CARMIL1: variants seen among roughly 807,000 people sequenced by gnomAD.
CARMIL1 encodes the protein capping protein regulator and myosin 1 linker 1, also known as F-actin-uncapping protein LRRC16A.
In CARMIL1, 90 loss-of-function variants were observed where a neutral mutation model predicts 177.1. The ratio of observed to expected loss-of-function variants is 0.51; its 90% CI spans 0.43 to 0.61. The LOEUF is 0.61. CARMIL1 is among the 20% of genes least tolerant of loss of function. The pLI, the probability that CARMIL1 is intolerant of heterozygous loss-of-function variation, is 0.00. For missense variants in CARMIL1, 1,380 were observed against 1,667.0 expected (o/e 0.83, Z 3.00); for synonymous variants, 577 against 606.2 (o/e 0.95, Z 0.71).
intron 23 of CARMIL1, among the ~76,000 whole-genome samples, chr6:25,528,224 A>G (rs72839066): frequency 0.028 from 4,233 of 152,306 alleles, 66 homozygotes; most frequent in Non-Finnish European, 0.042. Context: ...TTGAGAAAAT[A>G]TGAACATTTG....
chr6:25,362,966 C>T (rs1221088942), intron 2 of CARMIL1, among the ~76,000 whole-genome samples: 5 of 152,046 alleles, frequency 3.3e-5, no homozygotes, highest in Admixed American at 2.0e-4. Context: ...ACCTGGGAGG[C>T]GGAGGTTGCA....
chr6:25,418,168 T>TTCTGATTCCAAAATTCAAGCTAGTAGG (rs1795525022), intron 2 of CARMIL1, among the ~76,000 whole-genome samples: 1 of 152,178 alleles, frequency 6.6e-6, no homozygotes, highest in East Asian at 1.9e-4. Context: ...GCTAGTAGGT[T>TTCTGATTCCAAAATTCAAGCTAGTAGG]GACCAACAGT....
intron 3 of CARMIL1, 66 bp from the exon 4 acceptor site, chr6:25,426,435 A>C: frequency 8.7e-7 from 1 of 1,153,834 alleles, no homozygotes; most frequent in South Asian, 1.5e-5. Flanking sequence ...TTTTTACCTT[A>C]AGTTATATGT....
intron 2 of CARMIL1, among the ~76,000 whole-genome samples, chr6:25,352,958 C>T (rs1788253531): frequency 6.6e-6 from 1 of 152,144 alleles, no homozygotes; most frequent in Admixed American, 6.5e-5. Flanking sequence ...CCAGTCAACC[C>T]CTCCTGCCAC....
chr6:25,608,202 A>G (rs1195083142), intron 35 of CARMIL1, among the ~76,000 whole-genome samples: 2 of 152,132 alleles, frequency 1.3e-5, no homozygotes, highest in Admixed American at 6.5e-5. Flanking sequence ...CTCTTATCCA[A>G]GGTTTTGCTT....
At position 25,533,946 on chromosome 6, in the gene CARMIL1, G is replaced by A. The variant is rs190500028; in HGVS notation, c.2068-3909G>A. ...TCTTGATTTTGCCATTTCACTCAGG[G>A]ACATCATCATTCACTGAGGGTTGAA... is the stretch of plus-strand genomic sequence containing the variant. On this transcript the variant is annotated intron_variant, in intron 24 of 36. Coordinates refer to ENST00000329474, the MANE Select transcript of CARMIL1 (RefSeq NM_017640.6). Among the ~76,000 whole-genome samples, 156 of 152,114 alleles carry A rather than the reference G, an allele frequency of 1.0e-3. 2 individuals carry two copies. The highest frequency in any genetic ancestry group is 3.1e-3 in the African/African-American group (129 of 41,506).
At chr6:25,355,136 C>CAA (rs370595089) in intron 2 of CARMIL1, among the ~76,000 whole-genome samples, 1 of 152,318 alleles carries the variant, frequency 6.6e-6, no homozygotes, top group Non-Finnish European at 1.5e-5. Flanking sequence ...CTGGGACCCC[C>CAA]AAGCCCTTTG....
At chr6:25,563,478 T>C (rs1308906992) in intron 29 of CARMIL1, 1 of 985,280 alleles carries the variant, frequency 1.0e-6, no homozygotes, top group Non-Finnish European at 1.2e-6. Flanking sequence ...AGAGGACTTG[T>C]TTACCCAGGT....
At chr6:25,510,413 C>A in intron 18 of CARMIL1, 94 bp from the exon 19 acceptor site, 1 of 700,990 alleles carries the variant, frequency 1.4e-6, no homozygotes, top group Non-Finnish European at 2.4e-6. Context: ...AGGAAGTCAT[C>A]CAACTATATG....
intron 2 of CARMIL1, among the ~76,000 whole-genome samples, chr6:25,298,404 G>A (rs930358323): frequency 1.3e-5 from 2 of 152,170 alleles, no homozygotes; most frequent in South Asian, 2.1e-4. Context: ...ACAGAAATGG[G>A]TTTAGAATGT....
chr6:25,480,844 C>T (rs571802369), intron 11 of CARMIL1, among the ~76,000 whole-genome samples: 33 of 150,206 alleles, frequency 2.2e-4, no homozygotes, highest in East Asian at 7.8e-4. Flanking sequence ...CCTCAGCCTC[C>T]GGAGTAGTTG....
At chr6:25,389,281 A>C (rs1792499293) in intron 2 of CARMIL1, 1 of 148,650 alleles carries the variant, frequency 6.7e-6, no homozygotes, top group Non-Finnish European at 1.5e-5. Context: ...TCATTGGTTT[A>C]AAAATTATGA....
chr6:25,411,364 C>A (rs1332223213), intron 2 of CARMIL1, among the ~76,000 whole-genome samples: 1 of 152,204 alleles, frequency 6.6e-6, no homozygotes, highest in Admixed American at 6.5e-5. Context: ...CATCCTGCCA[C>A]CACTTAAAGA....
chr6:25,423,148 A>T lies in CARMIL1; in HGVS notation c.189+2984A>T, dbSNP rs571572256. Among the ~76,000 whole-genome samples, 124 of 152,374 alleles carry T rather than the reference A, an allele frequency of 8.1e-4. 1 individual carries two copies. The highest frequency in any genetic ancestry group is 3.4e-3 in the Middle Eastern group (1 of 294). The stretch of plus-strand genomic sequence containing the variant: ...CTGGAGAAATAAGTATATTTATAAC[A>T]TTAGTGTAAAGCACTGACTATGACA... On this transcript the variant is annotated intron_variant, in intron 3 of 36. Coordinates refer to ENST00000329474, the MANE Select transcript of CARMIL1 (RefSeq NM_017640.6).
Position 25,284,889 on chromosome 6 carries a change from A to AAGTTAAGGGAGTTGG in CARMIL1, c.119_120insGTTAAGGGAGTTGGA (p.Lys40_Val41insLeuArgGluLeuGlu). 1 of 1,565,174 alleles carries AAGTTAAGGGAGTTGG rather than the reference A, an allele frequency of 6.4e-7. No individual in the cohort carries two copies. Among genetic ancestry groups the AAGTTAAGGGAGTTGG allele is most frequent in the Non-Finnish European group, 8.7e-7 (1 of 1,152,006 alleles). Reference sequence around the variant, plus strand: ...AGTAAAGTTGGAAGTTAAGGGAGACAAAGTTGAAAACAAAGTGCTGGTAAG... The same window carrying AAGTTAAGGGAGTTGG: ...AGTAAAGTTGGAAGTTAAGGGAGACAAGTTAAGGGAGTTGGAAGTTGAAAACAAAGTGCTGGTAAG... On this transcript the variant is annotated inframe_insertion, in exon 2 of 37. Transcript: ENST00000329474.
At chr6:25,327,630 G>A (rs995921779) in intron 2 of CARMIL1, among the ~76,000 whole-genome samples, 35 of 152,096 alleles carry the variant, frequency 2.3e-4, no homozygotes, top group African/African-American at 7.7e-4. Flanking sequence ...GTAGCATATG[G>A]GCTTCAACAG....
chr6:25,615,304 T>C (rs2151348114), intron 36 of CARMIL1, among the ~76,000 whole-genome samples: 1 of 152,366 alleles, frequency 6.6e-6, no homozygotes, highest in South Asian at 2.1e-4. Context: ...TCAAATATTG[T>C]TCTCAAAGCA....
chr6:25,616,652 G>C (rs941015744), intron 36 of CARMIL1, among the ~76,000 whole-genome samples: 1 of 152,206 alleles, frequency 6.6e-6, no homozygotes, highest in Non-Finnish European at 1.5e-5. Flanking sequence ...GTTTCAAACA[G>C]ACGTAATTCT....
chr6:25,413,815 T>A (rs1316640722), intron 2 of CARMIL1, among the ~76,000 whole-genome samples: 1 of 117,176 alleles, frequency 8.5e-6, no homozygotes, highest in Non-Finnish European at 2.0e-5. Context: ...GCACCCTAAT[T>A]TTTTTTTTAA....
Sources: gnomAD v4.1 joint callset for allele counts (sites outside exome capture counted in the v4.1 genomes callset) on GRCh38, gnomAD v4.1.1 for gene constraint, MANE v1.5 for transcripts, NCBI Gene and HGNC (gene_info 2026-07-23, HGNC 2026-07-21) for gene names.